The following SIAE variants were observed in gnomAD, a reference collection of about 807,000 sequenced individuals.
SIAE encodes sialate O-acetylesterase.
SIAE carries 39 observed loss-of-function variants against 52.6 expected under a neutral mutation model. The observed-to-expected ratio is 0.74, with a 90% confidence interval of 0.57 to 0.97. SIAE has a LOEUF of 0.97. SIAE is among the 50% of genes least tolerant of loss of function. The probability of loss-of-function intolerance (pLI) is 0.00; values close to 1 mark genes in which losing one functional copy is unlikely to be tolerated. For synonymous variants in SIAE, 233 were observed against 241.4 expected (o/e 0.97, Z 0.32); for missense variants, 592 against 662.1 (o/e 0.89, Z 1.16).
At position 124,636,855 on chromosome 11, in the gene SIAE, A is replaced by AATTT. The variant is rs1486096729; in HGVS notation, c.*92_*95dup. 4.6e-5 allele frequency: 72 copies of AATTT among 1,556,008 alleles called. No individual in the cohort carries two copies. The highest frequency in any genetic ancestry group is 6.1e-5 in the Non-Finnish European group (69 of 1,130,088). On this transcript the variant is annotated 3_prime_UTR_variant, in exon 10 of 10. Transcript: ENST00000263593. ...AAGCCATTCAATGAGGCTTTCTATTAATTTCCTTTAAAAGCAATGGTTATT... is the reference window on the plus strand; with the variant it reads ...AAGCCATTCAATGAGGCTTTCTATTAATTTATTTCCTTTAAAAGCAATGGTTATT...
At chr11:124,644,457 A>G (rs2134359830) in intron 7 of SIAE, among the ~76,000 whole-genome samples, 1 of 152,038 alleles carries the variant, frequency 6.6e-6, no homozygotes, top group East Asian at 1.9e-4. Flanking sequence ...GTTTGCTGAG[A>G]ATTCTTGCAG....
In SIAE at chr11:124,639,595, A is replaced by T. The variant is rs570788786; in HGVS notation, c.1124+115T>A. The T allele has an allele frequency of 1.7e-5, 22 of 1,318,400 alleles. No homozygotes were observed. The African/African-American group carries it at 2.7e-4, about 16-fold the overall frequency. 81.7% of individuals were successfully genotyped at this position (1,318,400 alleles called of 1,614,324 possible). A position where few individuals can be genotyped will look rare whatever the true frequency, so the allele number is the denominator to read the frequency against. ...TGTTGTTACTGCAGCACACCCCAGC[A>T]TACGTGACTCTTAAGTGCCAATCCT... On this transcript the variant is annotated intron_variant, in intron 8 of 9. Transcript: ENST00000263593.
chr11:124,664,601 T>G (rs1353414863), intron 2 of SIAE, among the ~76,000 whole-genome samples: 2 of 152,192 alleles, frequency 1.3e-5, no homozygotes, highest in Non-Finnish European at 2.9e-5. Flanking sequence ...AAAAACTCTC[T>G]GTCTCCACCT....
chr11:124,674,972 G>C (rs563084108), upstream of SIAE: 1 of 223,624 alleles, frequency 4.5e-6, no homozygotes, highest in African/African-American at 2.3e-5. Context: ...AAAGGGTAAA[G>C]AGAGAAAAAG....
chr11:124,671,635 G>T (rs1391879092), intron 1 of SIAE, among the ~76,000 whole-genome samples: 2 of 152,128 alleles, frequency 1.3e-5, no homozygotes. Context: ...AAGTTCATTA[G>T]AGTAGACAGT....
chr11:124,662,440 C>A (rs546033755), intron 2 of SIAE, among the ~76,000 whole-genome samples: 1 of 152,190 alleles, frequency 6.6e-6, no homozygotes, highest in Non-Finnish European at 1.5e-5. Context: ...TGAGGTCAAC[C>A]TCCAGAAAAC....
At chr11:124,653,674 G>A (rs1419277538) in intron 4 of SIAE, among the ~76,000 whole-genome samples, 1 of 152,228 alleles carries the variant, frequency 6.6e-6, no homozygotes, top group Non-Finnish European at 1.5e-5. Flanking sequence ...TGAAAAGAAT[G>A]AAAACAGAAG....
At position 124,636,646 on chromosome 11, in the gene SIAE, A is replaced by AAGT. The variant is rs1190700835; in HGVS notation, c.*302_*304dup. 1.3e-4 allele frequency: 48 copies of AAGT among 383,692 alleles called. No homozygotes were observed. Among genetic ancestry groups the AAGT allele is most frequent in the Non-Finnish European group, 2.0e-4 (41 of 204,672 alleles). 23.8% of individuals were successfully genotyped at this position (383,692 alleles called of 1,614,324 possible). A position where few individuals can be genotyped will look rare whatever the true frequency, so the allele number is the denominator to read the frequency against. ...CACAACTCTGGATAAAAAGGGGCAA[A>AAGT]AGTATTAGACATTTCACTCCCATTA... On this transcript the variant is annotated 3_prime_UTR_variant, in exon 10 of 10. Coordinates refer to ENST00000263593, the MANE Select transcript of SIAE (RefSeq NM_170601.5).
chr11:124,637,472 T>C (rs1308739840), intron 9 of SIAE, among the ~76,000 whole-genome samples: 1 of 152,132 alleles, frequency 6.6e-6, no homozygotes, highest in African/African-American at 2.4e-5. Flanking sequence ...ACATAAGGCA[T>C]TTAGGGAAGG....
upstream of SIAE, chr11:124,673,804 A>G (rs561639663): frequency 5.2e-5 from 73 of 1,410,126 alleles, no homozygotes; most frequent in East Asian, 1.8e-3. Context: ...ACCCTTTTGC[A>G]GTCCTCGCAG....
rs200166577 is a variant in SIAE, at chr11:124,669,443, C to A, written c.146G>T (p.Gly49Val). The A allele has an allele frequency of 3.3e-5, 53 of 1,614,024 alleles. No individual in the cohort carries two copies. The highest frequency in any genetic ancestry group is 4.2e-5 in the Non-Finnish European group (50 of 1,180,010). ...CACTGTGGCTCCAGGTGTACCGAAGCCCCATATCACTGCCCCAGCAGGCTC... is the reference window on the plus strand; with the variant it reads ...CACTGTGGCTCCAGGTGTACCGAAGACCCATATCACTGCCCCAGCAGGCTC... ...QKEPAGAVIW[G>V]FGTPGATVTV... The change falls in exon 2 of 10, where the codon GGC (glycine) becomes GTC (valine). Residue 49 changes from glycine to valine, a missense_variant. Coordinates refer to ENST00000263593, the MANE Select transcript of SIAE (RefSeq NM_170601.5).
Position 124,636,326 on chromosome 11 carries a change from A to AATT in SIAE, c.*622_*624dup, listed in dbSNP as rs771983331. ...AGAGAATACAAAGAGATCTGTCTTC[A>AATT]ATTATCTGATAGTAGTAAAGTTTCA... On this transcript the variant is annotated 3_prime_UTR_variant, in exon 10 of 10. Transcript: ENST00000263593. 1 of 157,304 alleles carries AATT rather than the reference A, an allele frequency of 6.4e-6. No individual in the cohort carries two copies. Among genetic ancestry groups the AATT allele is most frequent in the African/African-American group, 2.4e-5 (1 of 41,474 alleles). 9.7% of individuals were successfully genotyped at this position (157,304 alleles called of 1,614,324 possible).
chr11:124,675,103 G>T, upstream of SIAE: 1 of 776,602 alleles, frequency 1.3e-6, no homozygotes, highest in East Asian at 2.8e-5. Context: ...AGAAATGGAT[G>T]GGCTTGGGTT....
chr11:124,650,343 C>T (rs1942999972), intron 4 of SIAE, among the ~76,000 whole-genome samples: 1 of 152,270 alleles, frequency 6.6e-6, no homozygotes, highest in East Asian at 1.9e-4. Flanking sequence ...CCATGCTACT[C>T]TCTTCTGTGT....
Position 124,673,655 on chromosome 11 carries a change from G to A in SIAE, c.54C>T (p.Ala18=), listed in dbSNP as rs1378943407. The A allele has an allele frequency of 1.2e-6, 2 of 1,613,494 alleles. No individual in the cohort carries two copies. The highest frequency in any genetic ancestry group is 1.7e-6 in the Non-Finnish European group (2 of 1,179,814). ...LGLVLPLILW[A]DRSAGIGFRF... is the part of the protein sequence containing the mutation. ...GGGCCGCCTCACCTGCACTTCTGTCGGCCCACAGGATTAATGGCAGCACCA... is the reference window on the plus strand; with the variant it reads ...GGGCCGCCTCACCTGCACTTCTGTCAGCCCACAGGATTAATGGCAGCACCA... Residue 18 remains alanine, a synonymous_variant, in exon 1 of 10, where the codon GCC becomes GCT. Transcript: ENST00000263593.
In SIAE at chr11:124,637,100, C is replaced by T. The variant is rs765363693; in HGVS notation, c.1423G>A (p.Val475Met). 15 of 1,614,154 alleles carry T rather than the reference C, an allele frequency of 9.3e-6. No individual in the cohort carries two copies. Among genetic ancestry groups the T allele is most frequent in the Non-Finnish European group, 1.3e-5 (15 of 1,180,024 alleles). ...GTCCAAGCATAGCGGAGAGCAACCA[C>T]AGTGCCATGACAAGAATCGATCGCC... ...TLAIDSCHGT[V>M]VALRYAWTTW... The change falls in exon 10 of 10, where the codon GTG becomes ATG. Residue 475 changes from valine to methionine, a missense_variant. Transcript: ENST00000263593.
At position 124,636,459 on chromosome 11, in the gene SIAE, G is replaced by C. The variant is rs993506421; in HGVS notation, c.*492C>G. The C allele has an allele frequency of 5.9e-6, 1 of 170,072 alleles. No individual in the cohort carries two copies. The highest frequency in any genetic ancestry group is 2.4e-5 in the African/African-American group (1 of 41,710). 10.5% of individuals were successfully genotyped at this position (170,072 alleles called of 1,614,324 possible). A position where few individuals can be genotyped will look rare whatever the true frequency, so the allele number is the denominator to read the frequency against. ...CACCTGTCAGGAATTTTGTAAAGACGTCTACGGCCATATCACCCTGAACGC... is the reference window on the plus strand; with the variant it reads ...CACCTGTCAGGAATTTTGTAAAGACCTCTACGGCCATATCACCCTGAACGC... On this transcript the variant is annotated 3_prime_UTR_variant, in exon 10 of 10. Coordinates refer to ENST00000263593, the MANE Select transcript of SIAE (RefSeq NM_170601.5).
rs201622177 is a variant in SIAE at position 124,648,113 on chromosome 11, A to G, written c.785T>C (p.Ile262Thr). The change falls in exon 6 of 10, where the codon ATC becomes ACC. Residue 262 changes from isoleucine (I) to threonine (T), a missense_variant. Coordinates refer to ENST00000263593, the MANE Select transcript of SIAE (RefSeq NM_170601.5). ...CAGAGTCATATTGCACAGTGGATGG[A>G]TCATGGCATTCCAGAGAACAGAGTG... Reference protein sequence around the residue: ...SKHSVLWNAMIHPLCNMTLKG... With the variant: ...SKHSVLWNAMTHPLCNMTLKG... The G allele has an allele frequency of 6.2e-7, 1 of 1,614,126 alleles. No homozygotes were observed. The highest frequency in any genetic ancestry group is 1.6e-4 in the Middle Eastern group (1 of 6,062).
In SIAE at chr11:124,671,853, TG is replaced by T. The variant is rs747842175; in HGVS notation, c.67+1788del. Among the ~76,000 whole-genome samples the T allele has an allele frequency of 4.6e-5, 7 of 151,886 alleles. No individual in the cohort carries two copies. In the East Asian group the frequency reaches 1.4e-3, roughly 29 times the overall value. Reference sequence around the variant, plus strand: ...CTCAGCTCACTGCAACCTCCGCCTCTGGGGTTCAAGCGGTTCTCCTGCCTCA... The same window carrying T: ...CTCAGCTCACTGCAACCTCCGCCTCTGGGTTCAAGCGGTTCTCCTGCCTCA... On this transcript the variant is annotated intron_variant, in intron 1 of 9. Coordinates refer to ENST00000263593, the MANE Select transcript of SIAE (RefSeq NM_170601.5).
Sources: allele counts gnomAD v4.1 joint callset (sites outside exome capture counted in the v4.1 genomes callset), GRCh38; gene constraint gnomAD v4.1.1; transcripts MANE v1.5; gene names NCBI Gene and HGNC (gene_info 2026-07-23, HGNC 2026-07-21).